The following SLC22A25 variants were observed in gnomAD, a reference collection of about 807,000 sequenced individuals.
SLC22A25 encodes solute carrier family 22 member 25.
In SLC22A25, 44 loss-of-function variants were observed where a neutral mutation model predicts 45.9. The observed-to-expected ratio is 0.96, with a 90% confidence interval of 0.75 to 1.23. The LOEUF (loss-of-function observed/expected upper bound fraction) is 1.23. SLC22A25 is among the 50% of genes most tolerant of loss of function. The pLI is 0.00. For synonymous variants in SLC22A25, 283 were observed against 238.6 expected (o/e 1.19, Z -1.72); for missense variants, 800 against 666.4 (o/e 1.20, Z -2.21).
At chr11:63,232,328 C>T (rs1232085206) in intron 3 of SLC22A25, among the ~76,000 whole-genome samples, 1 of 152,142 alleles carries the variant, frequency 6.6e-6, no homozygotes, top group Non-Finnish European at 1.5e-5. Flanking sequence ...GTTTGTTGTT[C>T]TCCTTGAAGA....
Position 63,163,825 on chromosome 11 carries a change from T to TC in SLC22A25, c.1642_1643insG (p.Ter548=). The change falls in exon 12 of 12, where the codon TAG becomes TGAG. Residue 548 remains the stop codon, a frameshift_variant and stop_retained_variant. Transcript: ENST00000306494. LOFTEE classifies it high-confidence loss of function. Reference sequence around the variant, plus strand: ...TGTTTTGCTTTCCTCAGCACAGACCTATAGCACAGAGCTCCTCTGAGGGGC... The same window carrying TC: ...TGTTTTGCTTTCCTCAGCACAGACCTCATAGCACAGAGCTCCTCTGAGGGGC... ...LAAPQRSSVL[*] 2.9e-4 allele frequency: 474 copies of TC among 1,612,206 alleles called. 4 individuals carry two copies. The highest frequency in any genetic ancestry group is 3.0e-4 in the Admixed American group (18 of 59,894).
intron 7 of SLC22A25, among the ~76,000 whole-genome samples, chr11:63,190,496 C>G (rs1177465513): frequency 6.6e-6 from 1 of 151,924 alleles, no homozygotes; most frequent in East Asian, 1.9e-4. Context: ...TTCGAACTTC[C>G]TTCTTTGGCT....
intron 7 of SLC22A25, among the ~76,000 whole-genome samples, chr11:63,209,187 T>C (rs1362919186): frequency 1.3e-5 from 2 of 152,072 alleles, no homozygotes; most frequent in East Asian, 3.9e-4. Context: ...AGTTTCCCTA[T>C]ATAGACTCTT....
At chr11:63,206,233 G>C (rs1294500490) in intron 7 of SLC22A25, among the ~76,000 whole-genome samples, 2 of 152,156 alleles carry the variant, frequency 1.3e-5, no homozygotes, top group Admixed American at 6.5e-5. Flanking sequence ...CACAAGATGA[G>C]GGTGGTGTCT....
chr11:63,217,627 C>T lies in SLC22A25; in HGVS notation c.615G>A (p.Leu205=), dbSNP rs944742833. 4 of 1,613,858 alleles carry T rather than the reference C, an allele frequency of 2.5e-6. No homozygotes were observed. The highest frequency in any genetic ancestry group is 3.4e-6 in the Non-Finnish European group (4 of 1,179,968). The part of the protein sequence containing the change: ...TILVYCSLRF[L]AGAATFSIIV... ...TGATGCTAAATGTAGCAGCCCCAGC[C>T]AAGAAGCGCAGGGAGCAGTATACGA... Residue 205 remains leucine (L), a synonymous_variant, in exon 6 of 12, where the codon TTG becomes TTA. Transcript: ENST00000306494.
rs1198892924 is a variant in SLC22A25, at chr11:63,180,681, A to T, written c.1049T>A (p.Ile350Asn). The change falls in exon 9 of 12, where the codon ATC becomes AAC. Residue 350 changes from isoleucine (I) to asparagine (N), a missense_variant. Coordinates refer to ENST00000306494, the MANE Select transcript of SLC22A25 (RefSeq NM_199352.6). ...TTACCTCACAAAGGACAGGAAACAGATTCTTTTACATATGTTGGGTATGCG... is the reference window on the plus strand; with the variant it reads ...TTACCTCACAAAGGACAGGAAACAGTTTCTTTTACATATGTTGGGTATGCG... ...LLRIPNICKR[I>N]CFLSFVRFAS... 6.2e-7 allele frequency: 1 copy of T among 1,612,602 alleles called. No individual in the cohort carries two copies. Among genetic ancestry groups the T allele is most frequent in the Admixed American group, 1.7e-5 (1 of 59,720 alleles).
In SLC22A25 at chr11:63,229,475, G is replaced by A. The variant is rs766465740; in HGVS notation, c.178C>T (p.Pro60Ser). ...WVHILDNDTI[P>S]DNDPGTLSQD... ...CTGAGGGTCCCAGGGTCATTGTCAG[G>A]GATAGTGTCATTGTCCAGTATATGA... The change falls in exon 4 of 12, where the codon CCT becomes TCT. Residue 60 changes from proline to serine, a missense_variant. Physicochemically the swap from Pro to Ser is moderately conservative, Grantham distance 74 (BLOSUM62 -1). Transcript: ENST00000306494. 16 of 1,614,102 alleles carry A rather than the reference G, an allele frequency of 9.9e-6. No individual in the cohort carries two copies. The highest frequency in any genetic ancestry group is 1.3e-5 in the Non-Finnish European group (15 of 1,179,966).
Position 63,180,779 on chromosome 11 carries a change from C to T in SLC22A25, c.955-4G>A. 1 of 1,606,508 alleles carries T rather than the reference C, an allele frequency of 6.2e-7. No individual in the cohort carries two copies. Among genetic ancestry groups the T allele is most frequent in the Non-Finnish European group, 8.5e-7 (1 of 1,174,424 alleles). On this transcript the variant is annotated splice_polypyrimidine_tract_variant and splice_region_variant and intron_variant, in intron 8 of 11. Transcript: ENST00000306494. The stretch of plus-strand genomic sequence containing the variant: ...GCTTCATGGTGGATTTCAAAACCTT[C>T]AACAACAACAGAAGCAATAAACTGT...
At chr11:63,219,824 C>T in intron 5 of SLC22A25, 2 of 904,656 alleles carry the variant, frequency 2.2e-6, no homozygotes, top group Non-Finnish European at 1.6e-6. Flanking sequence ...TCTCATGGCA[C>T]TGTCCCAGAG....
At chr11:63,186,400 T>C (rs926903240) in intron 7 of SLC22A25, among the ~76,000 whole-genome samples, 15 of 151,386 alleles carry the variant, frequency 9.9e-5, no homozygotes, top group Admixed American at 9.2e-4. Flanking sequence ...TGTTTGTTTT[T>C]TTCTTGTAAA....
chr11:63,222,372 T>C (rs1412168608), intron 5 of SLC22A25, among the ~76,000 whole-genome samples: 3 of 152,132 alleles, frequency 2.0e-5, no homozygotes, highest in South Asian at 4.1e-4. Context: ...TATTTAATTT[T>C]ATTTGTCACT....
Position 63,167,918 on chromosome 11 carries a change from C to G in SLC22A25, c.1071-1660G>C, listed in dbSNP as rs558961389. The G allele has an allele frequency of 2.5e-5, 10 of 398,764 alleles. No individual in the cohort carries two copies. The East Asian group carries it at 1.0e-3, about 41-fold the overall frequency. The allele number at this position is 398,764 out of a possible 1,614,324, so 24.7% of individuals were successfully genotyped here. On this transcript the variant is annotated intron_variant, in intron 9 of 11. Coordinates refer to ENST00000306494, the MANE Select transcript of SLC22A25 (RefSeq NM_199352.6). ...AACAGACACTTCATACAGGAGAGCT[C>G]TGGCTGGCATCAGGCAGGTGCTCCT...
intron 5 of SLC22A25, among the ~76,000 whole-genome samples, chr11:63,227,230 C>A (rs921785124): frequency 6.6e-6 from 1 of 151,952 alleles, no homozygotes; most frequent in African/African-American, 2.4e-5. Flanking sequence ...TTGTAGCCAC[C>A]ACAGATGTGA....
At chr11:63,207,870 T>C (rs2089449908) in intron 7 of SLC22A25, among the ~76,000 whole-genome samples, 2 of 152,208 alleles carry the variant, frequency 1.3e-5, no homozygotes, top group Admixed American at 1.3e-4. Flanking sequence ...AATAACTGTC[T>C]TTGTTTCTCA....
In SLC22A25 at chr11:63,195,562, C is replaced by T. The variant is rs2088991952; in HGVS notation, c.831-11745G>A. On this transcript the variant is annotated intron_variant, in intron 7 of 11. Coordinates refer to ENST00000306494, the MANE Select transcript of SLC22A25 (RefSeq NM_199352.6). ...AGATGTTCTTTGAAGCCAACGAGAA[C>T]AAAGACACAACATACCAGAATCTCT... 2.6e-5 allele frequency among the ~76,000 whole-genome samples: 4 copies of T among 152,018 alleles called. No individual in the cohort carries two copies. In the East Asian group the frequency reaches 5.8e-4, roughly 22 times the overall value.
chr11:63,227,299 A>G (rs1241259768), intron 5 of SLC22A25, among the ~76,000 whole-genome samples: 1 of 152,120 alleles, frequency 6.6e-6, no homozygotes, highest in Admixed American at 6.5e-5. Context: ...GGTCAATGAC[A>G]TGTATTACCT....
chr11:63,233,991 G>C (rs1463560841), intron 3 of SLC22A25, among the ~76,000 whole-genome samples: 1 of 152,308 alleles, frequency 6.6e-6, no homozygotes, highest in Middle Eastern at 3.4e-3. Context: ...TTGCACTGTG[G>C]CCTGAGAGAC....
Position 63,239,115 on chromosome 11 carries a change from T to C in SLC22A25, c.-975A>G, listed in dbSNP as rs559410270. Reference sequence around the variant, plus strand: ...TGATCCAAGAAGTCCTGAAATACCATTGAGGCTGAAGAGATTATCCCTAAA... The same window carrying C: ...TGATCCAAGAAGTCCTGAAATACCACTGAGGCTGAAGAGATTATCCCTAAA... On this transcript the variant is annotated 5_prime_UTR_variant, in exon 2 of 12. The change abolishes an upstream ATG in the 5' untranslated region. Transcript: ENST00000306494. The C allele has an allele frequency of 2.0e-4, 32 of 163,254 alleles. No homozygotes were observed. The highest frequency in any genetic ancestry group is 7.1e-4 in the African/African-American group (30 of 42,252). The allele number at this position is 163,254 out of a possible 1,614,324, so 10.1% of individuals were successfully genotyped here. A position where few individuals can be genotyped will look rare whatever the true frequency, so the allele number is the denominator to read the frequency against.
chr11:63,212,483 A>G (rs1026631440), intron 7 of SLC22A25, among the ~76,000 whole-genome samples: 14 of 152,318 alleles, frequency 9.2e-5, no homozygotes, highest in Admixed American at 7.8e-4. Context: ...AATACTATGC[A>G]GCCATAAAAA....
Sources: gnomAD v4.1 joint callset for allele counts (sites outside exome capture counted in the v4.1 genomes callset) on GRCh38, gnomAD v4.1.1 for gene constraint, MANE v1.5 for transcripts, NCBI Gene and HGNC (gene_info 2026-07-23, HGNC 2026-07-21) for gene names.